TLL2: variants seen among roughly 807,000 people sequenced by gnomAD.
The protein encoded by TLL2 is tolloid-like protein 2.
A neutral mutation model predicts 123.0 loss-of-function variants in TLL2; 106 were observed. That is an observed-to-expected ratio of 0.86 (90% CI 0.74 to 1.01). TLL2 has a LOEUF of 1.01. Among genes scored for constraint, TLL2 ranks in the 50% least tolerant of loss-of-function variants. The pLI is 0.00. For synonymous variants in TLL2, 494 were observed against 516.8 expected, an observed-to-expected ratio of 0.96 and a Z score of 0.60; for missense variants, 1,332 against 1,336.7, an observed-to-expected ratio of 1.00 and a Z score of 0.06.
intron 7 of TLL2, among the ~76,000 whole-genome samples, chr10:96,417,521 C>T (rs1425756494): frequency 1.3e-5 from 2 of 152,230 alleles, no homozygotes; most frequent in African/African-American, 4.8e-5. Flanking sequence ...GAGTCTATTT[C>T]TCCACTTGCT....
At chr10:96,488,367 C>G (rs902038791) in intron 1 of TLL2, among the ~76,000 whole-genome samples, 2 of 152,248 alleles carry the variant, frequency 1.3e-5, no homozygotes, top group African/African-American at 4.8e-5. Flanking sequence ...CCTTCCGCAG[C>G]ACCTGCGGGA....
intron 1 of TLL2, among the ~76,000 whole-genome samples, chr10:96,493,219 C>G (rs529059563): frequency 6.6e-6 from 1 of 152,182 alleles, no homozygotes; most frequent in Non-Finnish European, 1.5e-5. Context: ...TTCCTCCAGG[C>G]CCCCTCTCAA....
chr10:96,385,766 A>C (rs1457028560), intron 15 of TLL2, among the ~76,000 whole-genome samples: 2 of 152,174 alleles, frequency 1.3e-5, no homozygotes, highest in African/African-American at 2.4e-5. Context: ...CCAGACTCAC[A>C]GCCCAGTCCT....
At chr10:96,499,560 G>A (rs1460361940) in intron 1 of TLL2, among the ~76,000 whole-genome samples, 1 of 152,174 alleles carries the variant, frequency 6.6e-6, no homozygotes, top group Non-Finnish European at 1.5e-5. Context: ...GTTACTAGCA[G>A]TTTAACTTAA....
chr10:96,484,260 G>A (rs1051383414), intron 1 of TLL2, among the ~76,000 whole-genome samples: 2 of 152,126 alleles, frequency 1.3e-5, no homozygotes, highest in Non-Finnish European at 2.9e-5. Flanking sequence ...AAAGCCATAA[G>A]ACAAAGGATA....
chr10:96,383,768 A>G (rs2134056644), intron 16 of TLL2, among the ~76,000 whole-genome samples: 1 of 148,218 alleles, frequency 6.7e-6, no homozygotes, highest in South Asian at 2.2e-4. Context: ...TTACAGGCAC[A>G]CACCACCACG....
At chr10:96,506,771 C>T (rs537675720) in intron 1 of TLL2, among the ~76,000 whole-genome samples, 1 of 152,144 alleles carries the variant, frequency 6.6e-6, no homozygotes, top group Admixed American at 6.5e-5. Context: ...ACATGCCACC[C>T]TGAGGGAAGG....
At chr10:96,475,946 G>A (rs945437967) in intron 2 of TLL2, among the ~76,000 whole-genome samples, 3 of 151,814 alleles carry the variant, frequency 2.0e-5, no homozygotes, top group African/African-American at 4.8e-5. Flanking sequence ...CTTGCCTGCC[G>A]CCATCCACAC....
At chr10:96,406,310 C>T (rs1846449293) in intron 9 of TLL2, among the ~76,000 whole-genome samples, 2 of 152,248 alleles carry the variant, frequency 1.3e-5, no homozygotes, top group South Asian at 4.2e-4. Flanking sequence ...TGTGGCTCCT[C>T]CCACTGTCCT....
chr10:96,420,778 C>CG (rs1846611516), intron 7 of TLL2, among the ~76,000 whole-genome samples, 178 bp downstream of exon 7: 2 of 152,114 alleles, frequency 1.3e-5, no homozygotes, highest in Admixed American at 1.3e-4. Flanking sequence ...ATCTTATTAA[C>CG]GGGAACCTGA....
Position 96,365,168 on chromosome 10 carries a change from G to A in TLL2, c.*2920C>T, listed in dbSNP as rs375317419. 2.6e-5 allele frequency: 4 copies of A among 152,064 alleles called. No individual in the cohort carries two copies. The highest frequency in any genetic ancestry group is 5.9e-5 in the Non-Finnish European group (4 of 68,028). 9.4% of individuals were successfully genotyped at this position (152,064 alleles called of 1,614,324 possible). A position where few individuals can be genotyped will look rare whatever the true frequency, so the allele number is the denominator to read the frequency against. On this transcript the variant is annotated 3_prime_UTR_variant, in exon 21 of 21. Coordinates refer to ENST00000357947, the MANE Select transcript of TLL2 (RefSeq NM_012465.4). ...TTTAAAAAGTTTACGAATTTGTGTC[G>A]GGCCATATTCAAAGCCGTCCTGGGC...
intron 3 of TLL2, among the ~76,000 whole-genome samples, chr10:96,433,167 T>C (rs1049365655): frequency 2.6e-5 from 4 of 152,018 alleles, no homozygotes; most frequent in Non-Finnish European, 4.4e-5. Flanking sequence ...CGGGCTATGA[T>C]GGGAGTGGGT....
At chr10:96,371,740 C>T (rs1221190481) in intron 19 of TLL2, among the ~76,000 whole-genome samples, 2 of 152,240 alleles carry the variant, frequency 1.3e-5, no homozygotes, top group African/African-American at 4.8e-5. Context: ...AGACAGACCC[C>T]TGGCCTACAT....
chr10:96,373,171 C>A (rs1589403802), intron 19 of TLL2: 1 of 156,026 alleles, frequency 6.4e-6, no homozygotes, highest in African/African-American at 2.4e-5. Flanking sequence ...GAGACAAAGT[C>A]TCACTCTATC....
intron 1 of TLL2, among the ~76,000 whole-genome samples, chr10:96,487,957 C>A (rs186042800): frequency 1.3e-5 from 2 of 152,176 alleles, no homozygotes; most frequent in East Asian, 3.8e-4. Flanking sequence ...CAGTGGCTGA[C>A]GGTGAAGGAA....
rs751509792 is a variant in TLL2 at position 96,384,722 on chromosome 10, CG to C, written c.2058del (p.Asp687ThrfsTer128). The C allele has an allele frequency of 3.1e-6, 5 of 1,610,538 alleles. No individual in the cohort carries two copies. The highest frequency in any genetic ancestry group is 4.2e-6 in the Non-Finnish European group (5 of 1,177,818). On this transcript the variant is annotated frameshift_variant, in exon 16 of 21. Coordinates refer to ENST00000357947, the MANE Select transcript of TLL2 (RefSeq NM_012465.4). LOFTEE classifies it high-confidence loss of function. ...CAGAACCTGCCGTGCAGCTTGGCGT[CG>C]GGGGACAGGCCGCTGCGCACCTCTA... ...DFVEVRSGLSPDAKLHGRFCG... is the reference protein window; with the variant it reads ...DFVEVRSGLSXDAKLHGRFCG...
intron 2 of TLL2, among the ~76,000 whole-genome samples, chr10:96,448,374 C>T (rs935423017): frequency 6.6e-5 from 10 of 152,170 alleles, no homozygotes; most frequent in African/African-American, 1.7e-4. Context: ...GGTGTGGAGG[C>T]GAGCTGGAGC....
intron 1 of TLL2, among the ~76,000 whole-genome samples, chr10:96,510,533 C>A (rs1202358832): frequency 6.6e-6 from 1 of 152,168 alleles, no homozygotes; most frequent in African/African-American, 2.4e-5. Context: ...TCTAGAAAAT[C>A]CATTTATAAA....
intron 13 of TLL2, among the ~76,000 whole-genome samples, chr10:96,394,347 T>G (rs1279006668): frequency 6.6e-6 from 1 of 152,218 alleles, no homozygotes; most frequent in Non-Finnish European, 1.5e-5. Context: ...GCAGCCATGC[T>G]TCCCTCTTAG....
Sources: allele counts gnomAD v4.1 joint callset (sites outside exome capture counted in the v4.1 genomes callset), GRCh38; gene constraint gnomAD v4.1.1; transcripts MANE v1.5; gene names NCBI Gene and HGNC (gene_info 2026-07-23, HGNC 2026-07-21).